NEK11: variants seen among roughly 807,000 people sequenced by gnomAD.
NEK11 encodes the protein NIMA related kinase 11, also known as serine/threonine-protein kinase Nek11.
Under a neutral mutation model 80.7 loss-of-function variants are expected in NEK11, and 72 were observed. The observed-to-expected ratio is 0.89, with a 90% CI of 0.74 to 1.08. The LOEUF is 1.08. Among genes scored for constraint, NEK11 ranks in the 50% least tolerant of loss-of-function variants. NEK11 has a pLI of 0.00. For synonymous variants in NEK11, 251 were observed against 260.7 expected (o/e 0.96, Z 0.36); for missense variants, 764 against 763.6 (o/e 1.00, Z -0.01).
chr3:131,064,942 A>G (rs1276821848), intron 3 of NEK11, among the ~76,000 whole-genome samples: 1 of 152,156 alleles, frequency 6.6e-6, no homozygotes, highest in Non-Finnish European at 1.5e-5. Flanking sequence ...CAGAATGAAT[A>G]TAAATCTGGC....
chr3:131,044,324 C>A (rs2066997801), intron 3 of NEK11, among the ~76,000 whole-genome samples: 2 of 149,130 alleles, frequency 1.3e-5, no homozygotes, highest in South Asian at 2.1e-4. Flanking sequence ...GAGTCAAGAC[C>A]CATTGGTGTG....
chr3:131,145,952 A>T (rs1331541111), intron 7 of NEK11, among the ~76,000 whole-genome samples: 1 of 152,068 alleles, frequency 6.6e-6, no homozygotes, highest in Non-Finnish European at 1.5e-5. Context: ...TATCATTTTC[A>T]TTATTATTAT....
intron 3 of NEK11, among the ~76,000 whole-genome samples, chr3:131,074,924 T>C (rs73869505): frequency 0.073 from 11,053 of 152,182 alleles, 1,167 homozygotes; most frequent in African/African-American, 0.23. Context: ...AGTTTTGTCT[T>C]TTTCGTCTTT....
At chr3:131,276,027 G>A (rs2096284761) in intron 17 of NEK11, among the ~76,000 whole-genome samples, 6 of 152,168 alleles carry the variant, frequency 3.9e-5, no homozygotes, top group Admixed American at 3.9e-4. Context: ...GGAGAAGCAG[G>A]GACTTAGCCT....
At chr3:131,279,557 C>T (rs1008321910) in intron 17 of NEK11, among the ~76,000 whole-genome samples, 4 of 152,102 alleles carry the variant, frequency 2.6e-5, no homozygotes, top group East Asian at 1.9e-4. Context: ...TATTATAGAA[C>T]GGTTCTCTGT....
intron 17 of NEK11, among the ~76,000 whole-genome samples, chr3:131,315,467 CTGTGTGTGTG>C (rs111470166): frequency 2.2e-5 from 3 of 137,636 alleles, no homozygotes; most frequent in East Asian, 2.0e-4. Context: ...AATAATATTC[CTGTGTGTGTG>C]TGTGTGTGTG....
At chr3:131,067,968 C>T (rs1464130073) in intron 3 of NEK11, among the ~76,000 whole-genome samples, 1 of 152,202 alleles carries the variant, frequency 6.6e-6, no homozygotes, top group Non-Finnish European at 1.5e-5. Context: ...GTAGTCCACT[C>T]TTGCGGCCTC....
intron 4 of NEK11, among the ~76,000 whole-genome samples, chr3:131,091,880 C>G (rs1013236982): frequency 2.0e-5 from 3 of 152,172 alleles, no homozygotes; most frequent in African/African-American, 7.2e-5. Flanking sequence ...GAGCAATGAG[C>G]TTTTATAGGA....
chr3:131,248,219 G>T (rs903609339), intron 16 of NEK11, among the ~76,000 whole-genome samples: 2 of 152,032 alleles, frequency 1.3e-5, no homozygotes, highest in African/African-American at 2.4e-5. Flanking sequence ...TATGATGTTG[G>T]CTGTAGATGT....
chr3:131,274,529 G>A (rs985263820), intron 17 of NEK11, among the ~76,000 whole-genome samples: 4 of 149,922 alleles, frequency 2.7e-5, no homozygotes, highest in Admixed American at 6.7e-5. Flanking sequence ...CTGAGGAATC[G>A]CTACACTGAC....
chr3:131,184,792 C>T (rs926556676), intron 14 of NEK11: 63 of 952,536 alleles, frequency 6.6e-5, no homozygotes, highest in Non-Finnish European at 8.7e-5. Context: ...TCCATGCATA[C>T]TTTTTGAGTC....
chr3:131,173,114 C>CA (rs1360298680), intron 14 of NEK11, among the ~76,000 whole-genome samples: 2 of 152,072 alleles, frequency 1.3e-5, no homozygotes, highest in African/African-American at 4.8e-5. Flanking sequence ...AGCATATAAT[C>CA]AAAAAACAAC....
intron 14 of NEK11, among the ~76,000 whole-genome samples, chr3:131,186,289 T>A (rs2093597209): frequency 6.6e-6 from 1 of 152,220 alleles, no homozygotes; most frequent in Non-Finnish European, 1.5e-5. Flanking sequence ...AAATATAAAA[T>A]CACTTTGGCT....
intron 16 of NEK11, among the ~76,000 whole-genome samples, chr3:131,268,323 G>GT (rs1395751318): frequency 6.6e-6 from 1 of 152,284 alleles, no homozygotes; most frequent in African/African-American, 2.4e-5. Context: ...CTGGTGAGGA[G>GT]TTGTGATCCT....
At chr3:131,060,176 T>G (rs78594689) in intron 3 of NEK11, among the ~76,000 whole-genome samples, 1 of 152,314 alleles carries the variant, frequency 6.6e-6, no homozygotes, top group African/African-American at 2.4e-5. Flanking sequence ...GACAGATGTA[T>G]GACATAGTTC....
chr3:131,161,148 TC>T (rs2091506238), intron 10 of NEK11, among the ~76,000 whole-genome samples: 2 of 71,734 alleles, frequency 2.8e-5, no homozygotes, highest in African/African-American at 8.9e-5. Flanking sequence ...AGACTCCATC[TC>T]AAAAAAAAAA....
intron 4 of NEK11, among the ~76,000 whole-genome samples, chr3:131,090,570 C>A (rs564246786): frequency 6.6e-6 from 1 of 152,310 alleles, no homozygotes; most frequent in Non-Finnish European, 1.5e-5. Context: ...CAACGCATTA[C>A]ATTTCATCAA....
chr3:131,345,724 C>T (rs997121565), intron 17 of NEK11, among the ~76,000 whole-genome samples: 3 of 152,166 alleles, frequency 2.0e-5, no homozygotes, highest in Non-Finnish European at 4.4e-5. Context: ...ATAAAGATAT[C>T]TCCCATGTTC....
intron 4 of NEK11, among the ~76,000 whole-genome samples, chr3:131,086,289 C>G (rs759079642): frequency 2.0e-5 from 3 of 152,106 alleles, no homozygotes; most frequent in African/African-American, 4.8e-5. Context: ...ATTTTAGTCT[C>G]TTTCAGTGAA....
Sources: gnomAD v4.1 joint callset for allele counts (sites outside exome capture counted in the v4.1 genomes callset) on GRCh38, gnomAD v4.1.1 for gene constraint, MANE v1.5 for transcripts, NCBI Gene and HGNC (gene_info 2026-07-23, HGNC 2026-07-21) for gene names.